The following EPB41 variants were observed in gnomAD, a reference collection of about 807,000 sequenced individuals.
EPB41 encodes erythrocyte membrane protein band 4.1.
EPB41 carries 65 observed loss-of-function variants against 108.0 expected under a neutral mutation model. The ratio of observed to expected loss-of-function variants is 0.60; its 90% CI spans 0.49 to 0.74. The LOEUF (loss-of-function observed/expected upper bound fraction) is 0.74. EPB41 is among the 30% of genes least tolerant of loss of function. The pLI, the probability that EPB41 is intolerant of heterozygous loss-of-function variation, is 0.00. For synonymous variants in EPB41, 336 were observed against 358.9 expected (o/e 0.94, Z 0.72); for missense variants, 875 against 1,037.0 (o/e 0.84, Z 2.15).
At chr1:28,967,898 C>T (rs927569949) in intron 1 of EPB41, among the ~76,000 whole-genome samples, 5 of 151,238 alleles carry the variant, frequency 3.3e-5, no homozygotes, top group African/African-American at 7.3e-5. Context: ...TCTGCCTCCC[C>T]GGTTCAAGTG....
intron 1 of EPB41, among the ~76,000 whole-genome samples, chr1:28,964,144 A>G (rs1326721987): frequency 6.6e-6 from 1 of 152,160 alleles, no homozygotes; most frequent in Non-Finnish European, 1.5e-5. Flanking sequence ...CATATTTAAC[A>G]TCGTCTAATG....
At chr1:29,019,303 G>T (rs530634893) in intron 7 of EPB41, among the ~76,000 whole-genome samples, 38 of 152,236 alleles carry the variant, frequency 2.5e-4, no homozygotes, top group Middle Eastern at 3.4e-3. Flanking sequence ...GTGGCAAGTA[G>T]CTGAGGTAGA....
chr1:29,068,572 G>A (rs1649622772), intron 16 of EPB41, among the ~76,000 whole-genome samples: 1 of 152,164 alleles, frequency 6.6e-6, no homozygotes, highest in Admixed American at 6.5e-5. Flanking sequence ...CTGTATTATG[G>A]TGACCTTTAA....
chr1:28,889,821 A>G, intron 1 of EPB41: 4 of 985,360 alleles, frequency 4.1e-6, no homozygotes, highest in Non-Finnish European at 4.8e-6. Flanking sequence ...GCCTTTCTTG[A>G]GCACGTACTG....
Position 28,997,321 on chromosome 1 carries a change from TGAG to T in EPB41, c.786+6_786+8del. The T allele has an allele frequency of 6.4e-7, 1 of 1,569,670 alleles. No individual in the cohort carries two copies. Among genetic ancestry groups the T allele is most frequent in the Non-Finnish European group, 8.8e-7 (1 of 1,139,660 alleles). ...ATTTGGGATAACGCAACCTCTAAGG[TGAG>T]GAGACTGCTTGCAATTTAAGAAGCT... On this transcript the variant is annotated splice_donor_5th_base_variant and intron_variant, in intron 4 of 20. Coordinates refer to ENST00000343067, the MANE Select transcript of EPB41 (RefSeq NM_001376013.1).
chr1:28,904,118 C>A (rs1427134939), intron 1 of EPB41, among the ~76,000 whole-genome samples: 2 of 151,780 alleles, frequency 1.3e-5, no homozygotes, highest in Non-Finnish European at 2.9e-5. Context: ...ATCTGCCTCA[C>A]CCTCCCAAAG....
At chr1:28,888,808 TA>T (rs1267218611) in intron 1 of EPB41, among the ~76,000 whole-genome samples, 1 of 152,090 alleles carries the variant, frequency 6.6e-6, no homozygotes, top group African/African-American at 2.4e-5. Context: ...TTTGTATTTT[TA>T]GTAGAGACGG....
chr1:28,920,431 CTA>C (rs2092990008), intron 1 of EPB41, among the ~76,000 whole-genome samples: 2 of 152,280 alleles, frequency 1.3e-5, no homozygotes, highest in South Asian at 4.1e-4. Flanking sequence ...GGTAGGCCCT[CTA>C]TATGTTTGAA....
chr1:29,047,882 C>T (rs997130352), intron 11 of EPB41, among the ~76,000 whole-genome samples: 2 of 151,886 alleles, frequency 1.3e-5, no homozygotes, highest in South Asian at 4.1e-4. Context: ...CTCCCAAGTT[C>T]AAGCGATTCT....
At chr1:28,989,153 G>C (rs185744199) in intron 2 of EPB41, among the ~76,000 whole-genome samples, 1 of 152,280 alleles carries the variant, frequency 6.6e-6, no homozygotes, top group Non-Finnish European at 1.5e-5. Context: ...TCTTTAACTA[G>C]AGCATATTGC....
intron 16 of EPB41, chr1:29,069,163 C>T: frequency 8.1e-7 from 1 of 1,231,104 alleles, no homozygotes; most frequent in Non-Finnish European, 1.0e-6. Flanking sequence ...TTTTGCTGAC[C>T]AGTCCCCTAG....
chr1:29,047,403 C>T lies in EPB41; in HGVS notation c.1637-5701C>T, dbSNP rs138792826. On this transcript the variant is annotated intron_variant, in intron 11 of 20. Coordinates refer to ENST00000343067, the MANE Select transcript of EPB41 (RefSeq NM_001376013.1). ...TAGCTGGTACCACAAGTTCACGCTA[C>T]CGCGCCTGGCTAATTTTTTTTTTTT... 7.7e-3 allele frequency among the ~76,000 whole-genome samples: 1,144 copies of T among 148,196 alleles called. 7 individuals carry two copies. Among genetic ancestry groups the T allele is most frequent in the Non-Finnish European group, 0.012 (821 of 67,258 alleles).
chr1:28,966,936 A>G (rs1283890477), intron 1 of EPB41, among the ~76,000 whole-genome samples: 1 of 151,436 alleles, frequency 6.6e-6, no homozygotes, highest in Non-Finnish European at 1.5e-5. Flanking sequence ...TAGTAGGATC[A>G]TGCTACCTCC....
chr1:28,948,527 A>T (rs1244591413), intron 1 of EPB41, among the ~76,000 whole-genome samples: 1 of 151,560 alleles, frequency 6.6e-6, no homozygotes, highest in Non-Finnish European at 1.5e-5. Context: ...AAAAAAAAGA[A>T]AGAAAGAAAG....
chr1:28,904,975 G>T (rs866953862), intron 1 of EPB41, among the ~76,000 whole-genome samples: 5 of 148,702 alleles, frequency 3.4e-5, no homozygotes, highest in African/African-American at 1.0e-4. Flanking sequence ...AGCTTGTAGT[G>T]AGCCGAGATC....
intron 1 of EPB41, among the ~76,000 whole-genome samples, chr1:28,963,185 A>C (rs950512334): frequency 4.6e-5 from 7 of 152,222 alleles, no homozygotes; most frequent in Non-Finnish European, 7.3e-5. Context: ...AAAAGCAATA[A>C]CAAAAACAAA....
chr1:28,911,237 A>G (rs934066081), upstream of EPB41: 4 of 919,876 alleles, frequency 4.3e-6, no homozygotes, highest in African/African-American at 7.2e-5. Context: ...AAATAACAAA[A>G]ATTCCTCATG....
At chr1:28,931,094 A>G (rs2148537611) in intron 1 of EPB41, among the ~76,000 whole-genome samples, 1 of 152,222 alleles carries the variant, frequency 6.6e-6, no homozygotes, top group African/African-American at 2.4e-5. Flanking sequence ...CACAAGTTAC[A>G]TATTTTAAAA....
chr1:29,047,833 G>A (rs887634096), intron 11 of EPB41, among the ~76,000 whole-genome samples: 5 of 538 alleles, frequency 9.3e-3, no homozygotes, highest in African/African-American at 0.038. Context: ...TTGCTGCCCA[G>A]GCTGGAATGG....
Sources: allele counts gnomAD v4.1 joint callset (sites outside exome capture counted in the v4.1 genomes callset), GRCh38; gene constraint gnomAD v4.1.1; transcripts MANE v1.5; gene names NCBI Gene and HGNC (gene_info 2026-07-23, HGNC 2026-07-21).